ACOXL: variants seen among roughly 807,000 people sequenced by gnomAD.
ACOXL encodes acyl-coenzyme A oxidase-like protein.
In ACOXL, 70 loss-of-function variants were observed where a neutral mutation model predicts 71.9. The observed-to-expected ratio is 0.97, with a 90% CI of 0.80 to 1.19. The LOEUF (loss-of-function observed/expected upper bound fraction) is 1.19, where lower values mean the gene tolerates loss of function less well. Ranked by LOEUF, ACOXL falls within the 50% of genes most tolerant of loss-of-function variation. The pLI is 0.00. For synonymous variants in ACOXL, 253 were observed against 281.6 expected, an observed-to-expected ratio of 0.90 and a Z score of 1.02; for missense variants, 703 against 736.3, an observed-to-expected ratio of 0.95 and a Z score of 0.52.
At chr2:110,932,356 T>TC (rs1407655858) in intron 11 of ACOXL, among the ~76,000 whole-genome samples, 1 of 152,210 alleles carries the variant, frequency 6.6e-6, no homozygotes, top group African/African-American at 2.4e-5. Context: ...TCAAAACTCT[T>TC]CAAGTGGTGC....
At chr2:111,117,101 G>A (rs2070410052) in intron 17 of ACOXL, among the ~76,000 whole-genome samples, 1 of 152,224 alleles carries the variant, frequency 6.6e-6, no homozygotes, top group Admixed American at 6.5e-5. Context: ...GCCAGGTCAG[G>A]ACCGAAGGCG....
chr2:110,776,424 T>C (rs963287200), intron 2 of ACOXL, among the ~76,000 whole-genome samples: 31 of 152,196 alleles, frequency 2.0e-4, no homozygotes, highest in African/African-American at 7.5e-4. Context: ...GTAAATTTTA[T>C]GTTGTGTGTA....
chr2:111,031,722 G>A lies in ACOXL; in HGVS notation c.1369+8G>A, dbSNP rs2065278505. 6.2e-7 allele frequency: 1 copy of A among 1,613,964 alleles called. No homozygotes were observed. Among genetic ancestry groups the A allele is most frequent in the Non-Finnish European group, 8.5e-7 (1 of 1,179,916 alleles). On this transcript the variant is annotated splice_region_variant and intron_variant, in intron 15 of 17. Transcript: ENST00000439055. The stretch of plus-strand genomic sequence containing the variant: ...TGGCACACACTCACCGAGGTCAGTT[G>A]GCTCCTGTTGAATATTTGTAATTGA...
At chr2:110,963,029 T>C (rs918301784) in intron 12 of ACOXL, among the ~76,000 whole-genome samples, 1 of 152,214 alleles carries the variant, frequency 6.6e-6, no homozygotes, top group Non-Finnish European at 1.5e-5. Context: ...GTGTAGCTGA[T>C]TCTCTGGTTT....
At chr2:110,802,937 GATTT>G (rs1163498988) in intron 8 of ACOXL, among the ~76,000 whole-genome samples, 5 of 151,982 alleles carry the variant, frequency 3.3e-5, no homozygotes, top group Non-Finnish European at 5.9e-5. Context: ...CAATTACCCT[GATTT>G]TATTATTATA....
chr2:110,756,469 TC>T (rs1679717920), intron 1 of ACOXL, among the ~76,000 whole-genome samples: 1 of 152,202 alleles, frequency 6.6e-6, no homozygotes, highest in South Asian at 2.1e-4. Context: ...TTTCTTCAGT[TC>T]CTTTGGGCGA....
chr2:110,989,165 G>A (rs1223357720), intron 13 of ACOXL, among the ~76,000 whole-genome samples: 3 of 152,060 alleles, frequency 2.0e-5, no homozygotes, highest in Non-Finnish European at 4.4e-5. Flanking sequence ...ACATTTTTGT[G>A]TATGGTTTGA....
At chr2:111,070,581 A>T (rs1299815031) in intron 16 of ACOXL, among the ~76,000 whole-genome samples, 2 of 152,126 alleles carry the variant, frequency 1.3e-5, no homozygotes, top group African/African-American at 4.8e-5. Flanking sequence ...AATCTTTACA[A>T]CAAACCCCTG....
intron 13 of ACOXL, among the ~76,000 whole-genome samples, 172 bp from the exon 14 acceptor site, chr2:110,995,721 G>A (rs760068122): frequency 2.6e-5 from 4 of 151,788 alleles, no homozygotes; most frequent in African/African-American, 4.8e-5. Context: ...TAAGATTACC[G>A]AAAAGAATTA....
chr2:110,775,147 C>T (rs1682481611), intron 2 of ACOXL, among the ~76,000 whole-genome samples: 1 of 152,214 alleles, frequency 6.6e-6, no homozygotes, highest in Admixed American at 6.5e-5. Context: ...GCTTACCTTA[C>T]AGCATATCCA....
At chr2:111,048,348 G>C (rs2066118931) in intron 15 of ACOXL, among the ~76,000 whole-genome samples, 1 of 152,232 alleles carries the variant, frequency 6.6e-6, no homozygotes, top group African/African-American at 2.4e-5. Context: ...GCAGCTTTGA[G>C]TATAGCAATC....
At chr2:111,102,900 A>AT (rs888212869) in intron 17 of ACOXL, among the ~76,000 whole-genome samples, 1 of 152,046 alleles carries the variant, frequency 6.6e-6, no homozygotes, top group African/African-American at 2.4e-5. Context: ...TTTCCCTTTG[A>AT]TTTTACAGAC....
At chr2:111,107,534 G>T (rs2069631358) in intron 17 of ACOXL, among the ~76,000 whole-genome samples, 1 of 152,148 alleles carries the variant, frequency 6.6e-6, no homozygotes, top group Non-Finnish European at 1.5e-5. Context: ...TGTTGCCCAG[G>T]CTGGAGTGCA....
At chr2:110,857,841 T>C in intron 10 of ACOXL, among the ~76,000 whole-genome samples, 1 of 152,114 alleles carries the variant, frequency 6.6e-6, no homozygotes, top group East Asian at 1.9e-4. Flanking sequence ...TCCTCTCACC[T>C]CAGCCTCCCG....
intron 16 of ACOXL, among the ~76,000 whole-genome samples, chr2:111,075,928 G>T (rs2067579472): frequency 6.6e-6 from 1 of 151,866 alleles, no homozygotes; most frequent in Admixed American, 6.6e-5. Flanking sequence ...TATAATCAGA[G>T]AAGATACCAT....
chr2:110,867,438 T>C (rs1016129566), intron 10 of ACOXL, among the ~76,000 whole-genome samples: 5 of 152,220 alleles, frequency 3.3e-5, no homozygotes, highest in Admixed American at 2.6e-4. Flanking sequence ...TCTGGAGAAC[T>C]TGTTCTCTTC....
intron 10 of ACOXL, among the ~76,000 whole-genome samples, chr2:110,898,474 G>A (rs1484496932): frequency 6.6e-6 from 1 of 152,136 alleles, no homozygotes; most frequent in Non-Finnish European, 1.5e-5. Context: ...ATATTAACAT[G>A]CTAAAGAAGA....
intron 1 of ACOXL, among the ~76,000 whole-genome samples, chr2:110,738,472 TG>T (rs1362202232): frequency 1.3e-5 from 2 of 152,362 alleles, no homozygotes; most frequent in South Asian, 4.1e-4. Flanking sequence ...AAAGTTTTTG[TG>T]GGTGTAGAGT....
chr2:110,878,860 C>G (rs1696256948), intron 10 of ACOXL, among the ~76,000 whole-genome samples: 2 of 151,806 alleles, frequency 1.3e-5, no homozygotes, highest in African/African-American at 2.4e-5. Flanking sequence ...GAGTTCAAGA[C>G]CAGCCTGGCA....
Sources: gnomAD v4.1 joint callset for allele counts (sites outside exome capture counted in the v4.1 genomes callset) on GRCh38, gnomAD v4.1.1 for gene constraint, MANE v1.5 for transcripts, NCBI Gene and HGNC (gene_info 2026-07-23, HGNC 2026-07-21) for gene names.